AGBL4: variants seen among roughly 807,000 people sequenced by gnomAD.
AGBL4 encodes the protein AGBL carboxypeptidase 4.
Under a neutral mutation model 66.4 loss-of-function variants are expected in AGBL4, and 58 were observed. The observed-to-expected ratio is 0.87, with a 90% confidence interval of 0.71 to 1.09. AGBL4 has a LOEUF of 1.09. AGBL4 is among the 50% of genes least tolerant of loss of function. AGBL4 has a pLI of 0.00. For synonymous variants in AGBL4, 234 were observed against 222.9 expected (o/e 1.05, Z -0.44); for missense variants, 579 against 631.0 (o/e 0.92, Z 0.88).
At chr1:49,212,919 T>C (rs1157909680) in intron 4 of AGBL4, among the ~76,000 whole-genome samples, 1 of 152,170 alleles carries the variant, frequency 6.6e-6, no homozygotes, top group East Asian at 1.9e-4. Flanking sequence ...ACTCCATTTT[T>C]AAAACAAGTA....
chr1:49,114,474 G>A (rs1008953284), intron 4 of AGBL4, among the ~76,000 whole-genome samples: 4 of 152,152 alleles, frequency 2.6e-5, no homozygotes, highest in Non-Finnish European at 5.9e-5. Flanking sequence ...CAATAAGGCT[G>A]TTTTGCTTTC....
intron 3 of AGBL4, among the ~76,000 whole-genome samples, chr1:49,330,576 GTTAA>G (rs1645311797): frequency 1.3e-5 from 2 of 152,164 alleles, no homozygotes; most frequent in African/African-American, 2.4e-5. Context: ...AAAGCACAGT[GTTAA>G]TTAATTAATC....
At chr1:49,906,963 T>C (rs187546818) in intron 1 of AGBL4, among the ~76,000 whole-genome samples, 4 of 152,260 alleles carry the variant, frequency 2.6e-5, no homozygotes, top group East Asian at 1.9e-4. Context: ...TGGGCCATTA[T>C]ATATTTTTTC....
At chr1:49,703,509 C>T (rs1435805403) in intron 2 of AGBL4, among the ~76,000 whole-genome samples, 4 of 150,690 alleles carry the variant, frequency 2.7e-5, no homozygotes, top group Non-Finnish European at 5.9e-5. Context: ...TGACAAATTC[C>T]ACACGCATTC....
At chr1:49,065,472 A>G (rs1400860472) in intron 4 of AGBL4, among the ~76,000 whole-genome samples, 2 of 152,248 alleles carry the variant, frequency 1.3e-5, no homozygotes, top group African/African-American at 4.8e-5. Context: ...AAAGTAACTG[A>G]GCACTGCAGC....
intron 6 of AGBL4, among the ~76,000 whole-genome samples, chr1:48,755,120 CT>C (rs958186170): frequency 4.6e-5 from 7 of 152,174 alleles, no homozygotes; most frequent in African/African-American, 1.7e-4. Flanking sequence ...CTGAAACATA[CT>C]CTCTTGCTGC....
At position 49,380,893 on chromosome 1, in the gene AGBL4, A is replaced by T. The variant is rs376071502; in HGVS notation, c.283-135029T>A. On this transcript the variant is annotated intron_variant, in intron 3 of 13. Transcript: ENST00000371839. ...GTTAGACCTAAAACCATAAAAACCCAAGAAGAAAACCTAGGCATTACCATT... is the reference window on the plus strand; with the variant it reads ...GTTAGACCTAAAACCATAAAAACCCTAGAAGAAAACCTAGGCATTACCATT... Among the ~76,000 whole-genome samples the T allele has an allele frequency of 9.0e-4, 137 of 152,174 alleles. 1 individual carries two copies. Among genetic ancestry groups the T allele is most frequent in the African/African-American group, 3.0e-3 (123 of 41,544 alleles).
Position 49,045,634 on chromosome 1 carries a change from G to A in AGBL4, c.544C>T (p.Gln182Ter). Residue 182 changes from glutamine to a stop codon, truncating the protein, a stop_gained, in exon 5 of 14, where the codon CAA (glutamine) becomes TAA (stop). Transcript: ENST00000371839. LOFTEE classifies it high-confidence loss of function. ...TRFQHYLDSL[Q>*]KRNMDYFFRE... is the part of the protein sequence containing the mutation. ...AAGAAGTAATCCATGTTTCTCTTTT[G>A]CAGGCTGTCAAGGTAATGTTGGAAG... 1 of 1,600,726 alleles carries A rather than the reference G, an allele frequency of 6.2e-7. No homozygotes were observed.
At chr1:49,821,018 T>C (rs952064378) in intron 2 of AGBL4, among the ~76,000 whole-genome samples, 1 of 152,224 alleles carries the variant, frequency 6.6e-6, no homozygotes, top group African/African-American at 2.4e-5. Context: ...CTTACAAATA[T>C]TAGCAATTAT....
intron 5 of AGBL4, among the ~76,000 whole-genome samples, chr1:48,926,315 T>A (rs1043344409): frequency 1.3e-4 from 19 of 150,846 alleles, no homozygotes; most frequent in Middle Eastern, 3.2e-3. Context: ...AGTCTCACTC[T>A]GTTGCCTATG....
chr1:48,661,799 A>G (rs1162117800), intron 7 of AGBL4, among the ~76,000 whole-genome samples: 1 of 152,230 alleles, frequency 6.6e-6, no homozygotes. Context: ...ACAAACAAGG[A>G]CAAAGCAGTT....
intron 6 of AGBL4, among the ~76,000 whole-genome samples, chr1:48,747,320 T>C (rs977237104): frequency 3.9e-5 from 6 of 152,216 alleles, no homozygotes; most frequent in Non-Finnish European, 5.9e-5. Context: ...GGGGAAAATA[T>C]ACCTTCCATG....
chr1:49,221,230 T>A (rs1649471434), intron 4 of AGBL4, among the ~76,000 whole-genome samples: 1 of 152,052 alleles, frequency 6.6e-6, no homozygotes, highest in Admixed American at 6.6e-5. Flanking sequence ...AAAGAATCAA[T>A]CAATCAAATC....
chr1:49,411,525 C>T (rs1293731624), intron 3 of AGBL4, among the ~76,000 whole-genome samples: 2 of 152,078 alleles, frequency 1.3e-5, no homozygotes, highest in Non-Finnish European at 2.9e-5. Context: ...TATTAAACAT[C>T]ACAGAAAGTT....
intron 2 of AGBL4, among the ~76,000 whole-genome samples, chr1:49,848,613 G>A (rs775445750): frequency 6.6e-6 from 1 of 152,130 alleles, no homozygotes; most frequent in Non-Finnish European, 1.5e-5. Context: ...TAAATAATAT[G>A]TATACATATA....
intron 1 of AGBL4, among the ~76,000 whole-genome samples, chr1:49,874,432 C>A (rs1236865797): frequency 6.6e-6 from 1 of 151,828 alleles, no homozygotes; most frequent in Non-Finnish European, 1.5e-5. Flanking sequence ...GTATATTTTC[C>A]AGAATTCATT....
chr1:48,599,174 C>G, intron 9 of AGBL4, among the ~76,000 whole-genome samples: 1 of 152,064 alleles, frequency 6.6e-6, no homozygotes, highest in Non-Finnish European at 1.5e-5. Context: ...AATCCCTTCT[C>G]GTGGAACACT....
chr1:49,739,293 G>C (rs987856439), intron 2 of AGBL4, among the ~76,000 whole-genome samples: 7 of 152,302 alleles, frequency 4.6e-5, no homozygotes, highest in Non-Finnish European at 7.3e-5. Context: ...TCAACTGGAA[G>C]AAATGGTATC....
chr1:49,530,116 G>T (rs998338543), intron 3 of AGBL4, among the ~76,000 whole-genome samples: 2 of 151,470 alleles, frequency 1.3e-5, no homozygotes, highest in Non-Finnish European at 2.9e-5. Flanking sequence ...ATTTCTAAGA[G>T]ACTTGACTTC....
Sources: gnomAD v4.1 joint callset for allele counts (sites outside exome capture counted in the v4.1 genomes callset) on GRCh38, gnomAD v4.1.1 for gene constraint, MANE v1.5 for transcripts, NCBI Gene and HGNC (gene_info 2026-07-23, HGNC 2026-07-21) for gene names.